The following SCN11A variants were observed in gnomAD, a reference collection of about 807,000 sequenced individuals.
SCN11A encodes sodium voltage-gated channel alpha subunit 11, also known as sodium channel protein type 11 subunit alpha.
Under a neutral mutation model 162.2 loss-of-function variants are expected in SCN11A, and 122 were observed. That is an observed-to-expected ratio of 0.75 (90% CI 0.65 to 0.87). The LOEUF (loss-of-function observed/expected upper bound fraction) is 0.87, where lower values mean the gene tolerates loss of function less well. Among genes scored for constraint, SCN11A ranks in the 40% least tolerant of loss-of-function variants. The pLI, the probability that SCN11A is intolerant of heterozygous loss-of-function variation, is 0.00. For synonymous variants in SCN11A, 758 were observed against 751.5 expected (o/e 1.01, Z -0.14); for missense variants, 2,015 against 2,181.6 (o/e 0.92, Z 1.52).
intron 16 of SCN11A, among the ~76,000 whole-genome samples, chr3:38,902,170 T>C (rs2126122744): frequency 6.6e-6 from 1 of 152,348 alleles, no homozygotes; most frequent in South Asian, 2.1e-4. Context: ...AGGTGGAGTC[T>C]GCTGACCATG....
intron 1 of SCN11A, among the ~76,000 whole-genome samples, chr3:39,044,056 A>G (rs1425368984): frequency 6.6e-6 from 1 of 152,200 alleles, no homozygotes; most frequent in South Asian, 2.1e-4. Context: ...ACCAAAAACA[A>G]GCAAGAGTTT....
intron 11 of SCN11A, among the ~76,000 whole-genome samples, chr3:38,917,689 AG>A (rs2065981156): frequency 2.6e-5 from 4 of 152,226 alleles, no homozygotes; most frequent in Admixed American, 2.0e-4. Context: ...GAGAAGGAAG[AG>A]AATCAGGAAA....
chr3:38,885,341 C>T lies in SCN11A; in HGVS notation c.3011G>A (p.Gly1004Glu). ...TTTGGGAACCATCTCAGGTAACCAT[C>T]CAAAGCCATCCTGAAGATCAATGGT... ...CSTIDLQDGF[G>E]WLPEMVPKKQ... is the part of the protein sequence containing the mutation. Residue 1004 changes from glycine (G) to glutamate (E), a missense_variant, in exon 21 of 30, where the codon GGA (glycine) becomes GAA (glutamate). Coordinates refer to ENST00000302328, the MANE Select transcript of SCN11A (RefSeq NM_001349253.2). The T allele has an allele frequency of 6.2e-7, 1 of 1,613,778 alleles. No homozygotes were observed. Among genetic ancestry groups the T allele is most frequent in the Non-Finnish European group, 8.5e-7 (1 of 1,179,674 alleles).
At chr3:38,934,778 G>T in intron 7 of SCN11A, among the ~76,000 whole-genome samples, 1 of 151,942 alleles carries the variant, frequency 6.6e-6, no homozygotes, top group Non-Finnish European at 1.5e-5. Flanking sequence ...CAATAATAAT[G>T]GGAGACTTTA....
intron 2 of SCN11A, among the ~76,000 whole-genome samples, chr3:39,022,802 T>C (rs9837975): frequency 0.5 from 76,568 of 151,644 alleles, 22,873 homozygotes; most frequent in African/African-American, 0.85. Context: ...GATTTTGAGC[T>C]CAGGATGCAG....
intron 7 of SCN11A, among the ~76,000 whole-genome samples, chr3:38,934,022 C>T (rs28804105): frequency 0.067 from 10,155 of 152,230 alleles, 392 homozygotes; most frequent in African/African-American, 0.1. Context: ...TAACAGCAGA[C>T]CTCTCGGCAG....
At chr3:38,850,811 A>T (rs1030396530) in intron 28 of SCN11A, 60 bp from the exon 29 acceptor site, 2 of 1,341,086 alleles carry the variant, frequency 1.5e-6, no homozygotes, top group Non-Finnish European at 2.0e-6. Context: ...ACATACAATA[A>T]AAAGAACATA....
At position 39,018,766 on chromosome 3, in the gene SCN11A, C is replaced by T. The variant is rs557404690; in HGVS notation, c.-280+13614G>A. Among the ~76,000 whole-genome samples the T allele has an allele frequency of 1.8e-4, 27 of 152,046 alleles. No homozygotes were observed. The East Asian group carries it at 3.1e-3, about 17-fold the overall frequency. On this transcript the variant is annotated intron_variant, in intron 2 of 29. Coordinates refer to ENST00000302328, the MANE Select transcript of SCN11A (RefSeq NM_001349253.2). ...CCGGGAGGCAGAGCTTGCAGTGAGC[C>T]GAGATGGCGCCACTGCACTCCAGCC...
rs143243125 is a variant in SCN11A, at chr3:38,958,512, C to T, written c.-139+1771G>A. On this transcript the variant is annotated intron_variant, in intron 3 of 29. Coordinates refer to ENST00000302328, the MANE Select transcript of SCN11A (RefSeq NM_001349253.2). ...ATATCCTCACAATGTCCAATTTGAGCTTGCCATCTGTTTCCTGCTGGGGCC... is the reference window on the plus strand; with the variant it reads ...ATATCCTCACAATGTCCAATTTGAGTTTGCCATCTGTTTCCTGCTGGGGCC... Among the ~76,000 whole-genome samples, 1,296 of 152,338 alleles carry T rather than the reference C, an allele frequency of 8.5e-3. 9 individuals carry two copies. Among genetic ancestry groups the T allele is most frequent in the Middle Eastern group, 0.014 (4 of 294 alleles).
At chr3:39,007,728 C>G (rs1038280327) in intron 2 of SCN11A, among the ~76,000 whole-genome samples, 3 of 152,208 alleles carry the variant, frequency 2.0e-5, no homozygotes, top group Non-Finnish European at 4.4e-5. Flanking sequence ...CTATGTACCT[C>G]TTCATCTGGC....
At position 39,018,895 on chromosome 3, in the gene SCN11A, G is replaced by T. The variant is rs145131100; in HGVS notation, c.-280+13485C>A. Among the ~76,000 whole-genome samples, 369 of 152,312 alleles carry T rather than the reference G, an allele frequency of 2.4e-3. 1 individual carries two copies. The highest frequency in any genetic ancestry group is 8.5e-3 in the African/African-American group (352 of 41,564). Reference sequence around the variant, plus strand: ...AATTATATAACAGTGATAAAGTTATGGCAGTGGGGGAGATCTGATCTAGCC... The same window carrying T: ...AATTATATAACAGTGATAAAGTTATTGCAGTGGGGGAGATCTGATCTAGCC... On this transcript the variant is annotated intron_variant, in intron 2 of 29. Coordinates refer to ENST00000302328, the MANE Select transcript of SCN11A (RefSeq NM_001349253.2).
chr3:39,000,580 T>G (rs925569116), intron 2 of SCN11A, among the ~76,000 whole-genome samples: 1 of 152,210 alleles, frequency 6.6e-6, no homozygotes, highest in Non-Finnish European at 1.5e-5. Context: ...CTCAGTTCTG[T>G]TACATTTACC....
At chr3:38,913,132 C>T (rs989104086) in intron 11 of SCN11A, among the ~76,000 whole-genome samples, 2 of 152,184 alleles carry the variant, frequency 1.3e-5, no homozygotes, top group African/African-American at 4.8e-5. Flanking sequence ...TTCTCCACAA[C>T]ATTGCCAGCG....
chr3:38,864,642 A>G (rs547074198), intron 27 of SCN11A, among the ~76,000 whole-genome samples: 1 of 152,276 alleles, frequency 6.6e-6, no homozygotes, highest in African/African-American at 2.4e-5. Flanking sequence ...TCCACTAGAA[A>G]GGCTTAGAAA....
chr3:39,043,734 AT>A (rs2032114920), intron 1 of SCN11A, among the ~76,000 whole-genome samples: 1 of 152,166 alleles, frequency 6.6e-6, no homozygotes, highest in South Asian at 2.1e-4. Flanking sequence ...TACAAAAAAA[AT>A]TAGAAAGAAT....
At chr3:39,033,943 T>C (rs1282608250) in intron 1 of SCN11A, among the ~76,000 whole-genome samples, 2 of 152,078 alleles carry the variant, frequency 1.3e-5, no homozygotes, top group Non-Finnish European at 2.9e-5. Context: ...GGTGGGCAGA[T>C]CACAAGGTCA....
intron 2 of SCN11A, among the ~76,000 whole-genome samples, chr3:39,024,713 A>C (rs1559577924): frequency 6.6e-6 from 1 of 152,248 alleles, no homozygotes; most frequent in South Asian, 2.1e-4. Context: ...CCCATTTCAG[A>C]AAGGGTCCTG....
At chr3:38,973,656 A>C (rs1166586610) in intron 2 of SCN11A, among the ~76,000 whole-genome samples, 2 of 152,180 alleles carry the variant, frequency 1.3e-5, no homozygotes, top group African/African-American at 4.8e-5. Flanking sequence ...TGATTTAAGC[A>C]CTCTAAAGAT....
At chr3:38,872,527 T>C (rs1237906610) in intron 23 of SCN11A, among the ~76,000 whole-genome samples, 5 of 151,778 alleles carry the variant, frequency 3.3e-5, no homozygotes, top group African/African-American at 1.2e-4. Context: ...TGGATTGGAG[T>C]GGGGGTAGGA....
Sources: gnomAD v4.1 joint callset for allele counts (sites outside exome capture counted in the v4.1 genomes callset) on GRCh38, gnomAD v4.1.1 for gene constraint, MANE v1.5 for transcripts, NCBI Gene and HGNC (gene_info 2026-07-23, HGNC 2026-07-21) for gene names.